VAC14: variants seen among roughly 807,000 people sequenced by gnomAD.
The protein encoded by VAC14 is protein VAC14 homolog.
VAC14 carries 47 observed loss-of-function variants against 85.3 expected under a neutral mutation model. The observed-to-expected ratio is 0.55, with a 90% CI of 0.44 to 0.70. The LOEUF (loss-of-function observed/expected upper bound fraction) is 0.70. Ranked by LOEUF, VAC14 falls within the 30% of genes least tolerant of loss-of-function variation. The pLI, the probability that VAC14 is intolerant of heterozygous loss-of-function variation, is 0.00. For missense variants in VAC14, 861 were observed against 1,004.3 expected (o/e 0.86, Z 1.93); for synonymous variants, 447 against 430.5 (o/e 1.04, Z -0.47).
Position 70,780,845 on chromosome 16 carries a change from C to A in VAC14, c.1041G>T (p.Arg347Ser), listed in dbSNP as rs757489732. The A allele has an allele frequency of 1.2e-5, 20 of 1,613,768 alleles. No homozygotes were observed. The highest frequency in any genetic ancestry group is 1.7e-5 in the Admixed American group (1 of 59,998). The change falls in exon 9 of 19, where the codon AGG becomes AGT. Residue 347 changes from arginine to serine, a missense_variant. Arg to Ser is a moderately radical substitution (Grantham distance 110). Transcript: ENST00000261776. ...DELDELRPGQ[R>S]QAEPTPDDAL... ...CATCGTCAGGGGTGGGCTCTGCCTGCCTCTGCCCAGGTCTCAGCTCATCCA... is the reference window on the plus strand; with the variant it reads ...CATCGTCAGGGGTGGGCTCTGCCTGACTCTGCCCAGGTCTCAGCTCATCCA...
intron 14 of VAC14, among the ~76,000 whole-genome samples, chr16:70,710,465 T>C (rs1001429311): frequency 2.3e-4 from 35 of 152,014 alleles, no homozygotes; most frequent in Non-Finnish European, 8.8e-5. Context: ...ATGAGGCGGG[T>C]GAGGGACAGC....
chr16:70,722,909 A>C (rs1376719402), intron 14 of VAC14, among the ~76,000 whole-genome samples: 2 of 152,140 alleles, frequency 1.3e-5, no homozygotes, highest in Admixed American at 6.5e-5. Flanking sequence ...GTGAGACCCC[A>C]TCTCTACAAC....
intron 13 of VAC14, among the ~76,000 whole-genome samples, chr16:70,738,572 G>C (rs2029936694): frequency 6.6e-6 from 1 of 152,126 alleles, no homozygotes. Context: ...GTGGAGGAAG[G>C]CACCCCCTGC....
chr16:70,786,311 G>A lies in VAC14; in HGVS notation c.159C>T (p.Ile53=). Reference sequence around the variant, plus strand: ...GGGCAAACTCCTGGGACAGGGTCTGGATCACATGCTTGATTTGCACGGTAT... The same window carrying A: ...GGGCAAACTCCTGGGACAGGGTCTGAATCACATGCTTGATTTGCACGGTAT... ...QNNTVQIKHV[I]QTLSQEFALS... The change falls in exon 2 of 19, where the codon ATC becomes ATT. Residue 53 remains isoleucine (I), a synonymous_variant. Coordinates refer to ENST00000261776, the MANE Select transcript of VAC14 (RefSeq NM_018052.5). The A allele has an allele frequency of 6.2e-7, 1 of 1,614,234 alleles. No homozygotes were observed. The highest frequency in any genetic ancestry group is 8.5e-7 in the Non-Finnish European group (1 of 1,180,044).
intron 14 of VAC14, among the ~76,000 whole-genome samples, chr16:70,713,424 C>T (rs2054079791): frequency 6.6e-6 from 1 of 152,246 alleles, no homozygotes; most frequent in African/African-American, 2.4e-5. Flanking sequence ...TCACTTTTGC[C>T]TCAGGCTCCC....
chr16:70,786,021 A>T (rs2034038983), intron 2 of VAC14, 152 bp from the exon 3 acceptor site: 1 of 1,326,016 alleles, frequency 7.5e-7, no homozygotes. Context: ...CCTCATTCCC[A>T]GGAGAGGGCC....
At chr16:70,713,293 C>T (rs1412679517) in intron 14 of VAC14, among the ~76,000 whole-genome samples, 3 of 152,178 alleles carry the variant, frequency 2.0e-5, no homozygotes, top group African/African-American at 4.8e-5. Context: ...AAAAAGCTAC[C>T]GTGCGCGAAC....
intron 12 of VAC14, among the ~76,000 whole-genome samples, chr16:70,754,373 C>G (rs1479326719): frequency 6.6e-6 from 1 of 152,228 alleles, no homozygotes; most frequent in East Asian, 1.9e-4. Context: ...GACCACAGTC[C>G]TCTCTGAACC....
chr16:70,785,265 T>G (rs560085833), intron 3 of VAC14, among the ~76,000 whole-genome samples: 1 of 152,206 alleles, frequency 6.6e-6, no homozygotes, highest in African/African-American at 2.4e-5. Context: ...ATTGCAGGGC[T>G]GCTCCGCGCC....
At chr16:70,721,364 G>A (rs917445164) in intron 14 of VAC14, among the ~76,000 whole-genome samples, 3 of 152,012 alleles carry the variant, frequency 2.0e-5, no homozygotes, top group Admixed American at 6.6e-5. Flanking sequence ...ACAGGAAGCC[G>A]AGGAAGAGGA....
chr16:70,766,861 G>A (rs2032855147), intron 10 of VAC14, among the ~76,000 whole-genome samples: 1 of 152,132 alleles, frequency 6.6e-6, no homozygotes, highest in Admixed American at 6.5e-5. Flanking sequence ...TGCTCAGCAG[G>A]GGAACTGGGG....
At chr16:70,735,005 GC>G (rs1160012337) in intron 13 of VAC14, among the ~76,000 whole-genome samples, 1 of 152,184 alleles carries the variant, frequency 6.6e-6, no homozygotes, top group Non-Finnish European at 1.5e-5. Flanking sequence ...CATGTTTGGG[GC>G]TCACAGATTA....
chr16:70,794,606 G>C (rs1202202176), intron 1 of VAC14, among the ~76,000 whole-genome samples: 1 of 152,238 alleles, frequency 6.6e-6, no homozygotes, highest in Non-Finnish European at 1.5e-5. Context: ...TTGCAGGAAT[G>C]CGGGCCCCCA....
chr16:70,763,039 C>G lies in VAC14; in HGVS notation c.1161-14G>C, dbSNP rs1018722164. 2 of 1,614,034 alleles carry G rather than the reference C, an allele frequency of 1.2e-6. No individual in the cohort carries two copies. The highest frequency in any genetic ancestry group is 4.5e-5 in the East Asian group (2 of 44,864). On this transcript the variant is annotated splice_polypyrimidine_tract_variant and intron_variant, in intron 10 of 18. Coordinates refer to ENST00000261776, the MANE Select transcript of VAC14 (RefSeq NM_018052.5). The stretch of plus-strand genomic sequence containing the variant: ...GCTCTTTCAGTGCTGTGGGTAAGAT[C>G]GGGAGGGAGAGCAGAGGTGAAGCCC...
chr16:70,711,042 G>T lies in VAC14; in HGVS notation c.1662-12231C>A, dbSNP rs539566635. On this transcript the variant is annotated intron_variant, in intron 14 of 18. Transcript: ENST00000261776. ...GCTTCAGCTCCACGTCCCTCAGCGG[G>T]GAGCCGCCAGCCCCTGTCCCATCAG... is the stretch of plus-strand genomic sequence containing the variant. Among the ~76,000 whole-genome samples, 7 of 152,314 alleles carry T rather than the reference G, an allele frequency of 4.6e-5. No homozygotes were observed. The South Asian group carries it at 1.5e-3, about 32-fold the overall frequency.
intron 18 of VAC14, chr16:70,690,225 G>C (rs2142981558): frequency 2.0e-6 from 2 of 985,460 alleles, no homozygotes; most frequent in South Asian, 9.4e-5. Flanking sequence ...ACCCTTCCTG[G>C]CCTGAGATCT....
chr16:70,695,423 G>A, intron 17 of VAC14, 121 bp downstream of exon 17: 2 of 958,396 alleles, frequency 2.1e-6, no homozygotes, highest in South Asian at 2.9e-5. Context: ...AAGCTTCCCT[G>A]GGGTGACTGC....
intron 7 of VAC14, 50 bp downstream of exon 7, chr16:70,782,983 G>T: frequency 6.5e-7 from 1 of 1,526,806 alleles, no homozygotes; most frequent in Non-Finnish European, 9.0e-7. Context: ...AGAGGTGGCA[G>T]TGGCAGCAGC....
chr16:70,783,529 T>C lies in VAC14; in HGVS notation c.620A>G (p.Asp207Gly). 6.2e-7 allele frequency: 1 copy of C among 1,613,964 alleles called. No homozygotes were observed. The highest frequency in any genetic ancestry group is 8.5e-7 in the Non-Finnish European group (1 of 1,180,028). The change falls in exon 6 of 19, where the codon GAC becomes GGC. Residue 207 changes from aspartate (D) to glycine (G), a missense_variant. By Grantham distance (94) the Asp-to-Gly change is moderately conservative. Transcript: ENST00000261776. The stretch of plus-strand genomic sequence containing the variant: ...CGGCAGGTAATCCAGCAGGTTAATG[T>C]CTGGCACCGACTCCAGAACCAGGAT... ...SWILVLESVP[D>G]INLLDYLPEI...
Sources: gnomAD v4.1 joint callset for allele counts (sites outside exome capture counted in the v4.1 genomes callset) on GRCh38, gnomAD v4.1.1 for gene constraint, MANE v1.5 for transcripts, NCBI Gene and HGNC (gene_info 2026-07-23, HGNC 2026-07-21) for gene names.